PRELID2: variants seen among roughly 807,000 people sequenced by gnomAD.
PRELID2 encodes PRELI domain-containing protein 2.
PRELID2 carries 25 observed loss-of-function variants against 28.4 expected under a neutral mutation model. That is an observed-to-expected ratio of 0.88 (90% CI 0.64 to 1.23). The LOEUF (loss-of-function observed/expected upper bound fraction) is 1.23, where lower values mean the gene tolerates loss of function less well. Ranked by LOEUF, PRELID2 falls within the 50% of genes most tolerant of loss-of-function variation. The pLI is 0.00. For synonymous variants in PRELID2, 76 were observed against 71.6 expected (o/e 1.06, Z -0.31); for missense variants, 201 against 214.4 (o/e 0.94, Z 0.39).
intron 5 of PRELID2, among the ~76,000 whole-genome samples, chr5:145,781,671 T>C (rs1209958880): frequency 6.9e-6 from 1 of 145,552 alleles, no homozygotes; most frequent in African/African-American, 2.5e-5. Context: ...ACTATATATA[T>C]ACACTTATAT....
chr5:145,665,781 C>T (rs939584295), intron 1 of PRELID2, among the ~76,000 whole-genome samples: 2 of 152,010 alleles, frequency 1.3e-5, no homozygotes, highest in African/African-American at 2.4e-5. Flanking sequence ...CCTACTTACT[C>T]CACTTGTGAA....
chr5:145,251,816 C>A, the PRELID2 span, among the ~76,000 whole-genome samples: 1 of 152,016 alleles, frequency 6.6e-6, no homozygotes, highest in African/African-American at 2.4e-5. Context: ...AGTCAACCAA[C>A]CCTTGGCCTG....
chr5:145,304,954 A>G, the PRELID2 span, among the ~76,000 whole-genome samples: 1 of 152,222 alleles, frequency 6.6e-6, no homozygotes, highest in Non-Finnish European at 1.5e-5. Context: ...GAACGAATAA[A>G]TGAGTAAGAA....
chr5:145,404,921 CAGAGTGA>C, the PRELID2 span, among the ~76,000 whole-genome samples: 3 of 152,092 alleles, frequency 2.0e-5, no homozygotes, highest in Admixed American at 6.6e-5. Flanking sequence ...TGGGGGGATA[CAGAGTGA>C]AGGCAGGATG....
At chr5:145,686,681 G>A (rs1377716294) in intron 1 of PRELID2, among the ~76,000 whole-genome samples, 6 of 152,138 alleles carry the variant, frequency 3.9e-5, no homozygotes, top group Non-Finnish European at 7.4e-5. Context: ...AGCAGACCAT[G>A]GGCTCAGAGC....
chr5:145,763,044 A>G (rs1757547725), intron 6 of PRELID2, among the ~76,000 whole-genome samples: 1 of 152,358 alleles, frequency 6.6e-6, no homozygotes, highest in Admixed American at 6.5e-5. Context: ...GGGCCCACCA[A>G]TCTGTGTTAA....
chr5:145,285,982 C>T, the PRELID2 span, among the ~76,000 whole-genome samples: 3 of 152,162 alleles, frequency 2.0e-5, no homozygotes, highest in African/African-American at 7.2e-5. Flanking sequence ...ACACAGATTT[C>T]AAAATAAATT....
intron 1 of PRELID2, among the ~76,000 whole-genome samples, chr5:145,725,004 A>G (rs1217487320): frequency 2.0e-5 from 3 of 151,918 alleles, no homozygotes; most frequent in Non-Finnish European, 4.4e-5. Context: ...CAGCCTCCCA[A>G]CGTGCTGGGA....
chr5:145,680,258 T>A (rs1754906301), intron 1 of PRELID2, among the ~76,000 whole-genome samples: 1 of 152,218 alleles, frequency 6.6e-6, no homozygotes, highest in African/African-American at 2.4e-5. Flanking sequence ...TGGGAGCCAG[T>A]GATTTATGTG....
At chr5:145,505,440 C>T (rs1752401977) in intron 1 of PRELID2, among the ~76,000 whole-genome samples, 1 of 152,186 alleles carries the variant, frequency 6.6e-6, no homozygotes, top group East Asian at 1.9e-4. Context: ...AATAACTATA[C>T]ATGGTAGCCC....
chr5:145,738,464 T>C (rs944658808), intron 1 of PRELID2, among the ~76,000 whole-genome samples: 1 of 151,878 alleles, frequency 6.6e-6, no homozygotes, highest in African/African-American at 2.4e-5. Context: ...CCAATGAAAG[T>C]AGAAAATGTG....
the PRELID2 span, among the ~76,000 whole-genome samples, chr5:145,451,541 T>G: frequency 6.6e-6 from 1 of 152,154 alleles, no homozygotes; most frequent in Non-Finnish European, 1.5e-5. Flanking sequence ...GCCCTACCTC[T>G]CCTCATGATC....
chr5:145,483,664 A>G (rs1463837520), intron 1 of PRELID2, among the ~76,000 whole-genome samples: 1 of 152,244 alleles, frequency 6.6e-6, no homozygotes, highest in Non-Finnish European at 1.5e-5. Context: ...GAACTAAATC[A>G]TAATCTATGG....
chr5:145,569,685 T>C (rs963017348), intron 1 of PRELID2, among the ~76,000 whole-genome samples: 1 of 152,236 alleles, frequency 6.6e-6, no homozygotes, highest in African/African-American at 2.4e-5. Context: ...AGAAAGAAAG[T>C]ATTTGTTGAA....
At chr5:145,521,596 T>C (rs1752563419) in intron 1 of PRELID2, among the ~76,000 whole-genome samples, 1 of 152,040 alleles carries the variant, frequency 6.6e-6, no homozygotes, top group Non-Finnish European at 1.5e-5. Context: ...ATAAGGTATA[T>C]CTGGAATGGA....
chr5:145,769,849 T>C (rs1235765634), intron 5 of PRELID2, among the ~76,000 whole-genome samples: 1 of 152,086 alleles, frequency 6.6e-6, no homozygotes, highest in Non-Finnish European at 1.5e-5. Context: ...TCAGAGGAAA[T>C]AGAGGAATTA....
the PRELID2 span, among the ~76,000 whole-genome samples, chr5:145,447,979 A>G: frequency 6.6e-6 from 1 of 152,122 alleles, no homozygotes; most frequent in South Asian, 2.1e-4. Context: ...CCCTTTGGGT[A>G]TATACCCAGT....
chr5:145,440,170 GAACTC>G, the PRELID2 span, among the ~76,000 whole-genome samples: 1 of 152,164 alleles, frequency 6.6e-6, no homozygotes, highest in Non-Finnish European at 1.5e-5. Context: ...CTGGAGAAAA[GAACTC>G]AAATAAGTGA....
chr5:145,302,031 T>C, the PRELID2 span, among the ~76,000 whole-genome samples: 452 of 150,504 alleles, frequency 3.0e-3, 1 homozygote, highest in African/African-American at 0.01. Context: ...ATGGCCAAGA[T>C]GTTCATTAGT....
Sources: gnomAD v4.1 joint callset for allele counts (sites outside exome capture counted in the v4.1 genomes callset) on GRCh38, gnomAD v4.1.1 for gene constraint, MANE v1.5 for transcripts, NCBI Gene and HGNC (gene_info 2026-07-23, HGNC 2026-07-21) for gene names.